The following VASH2 variants were observed in gnomAD, a reference collection of about 807,000 sequenced individuals.
VASH2 encodes the protein tubulinyl-Tyr carboxypeptidase 2.
Under a neutral mutation model 37.2 loss-of-function variants are expected in VASH2, and 28 were observed. The ratio of observed to expected loss-of-function variants is 0.75; its 90% CI spans 0.56 to 1.03. The LOEUF is 1.03. Ranked by LOEUF, VASH2 falls within the 50% of genes least tolerant of loss-of-function variation. VASH2 has a pLI of 0.00. For synonymous variants in VASH2, 188 were observed against 174.7 expected, an observed-to-expected ratio of 1.08 and a Z score of -0.60; for missense variants, 419 against 459.1, an observed-to-expected ratio of 0.91 and a Z score of 0.80.
chr1:212,983,853 T>G (rs60415266), intron 7 of VASH2, among the ~76,000 whole-genome samples: 7,068 of 152,176 alleles, frequency 0.046, 246 homozygotes, highest in East Asian at 0.1. Flanking sequence ...AGAGGAAGGG[T>G]GAAGTTTGCA....
At chr1:212,960,130 G>C (rs895396227) in intron 2 of VASH2, among the ~76,000 whole-genome samples, 1 of 152,226 alleles carries the variant, frequency 6.6e-6, no homozygotes, top group Non-Finnish European at 1.5e-5. Context: ...GTCTGTTCTT[G>C]CTCTTGGCCT....
rs1436201572 is a variant in VASH2, at chr1:212,950,956, A to C, written c.-205+216A>C. 6.6e-6 allele frequency among the ~76,000 whole-genome samples: 1 copy of C among 152,186 alleles called. No individual in the cohort carries two copies. The highest frequency in any genetic ancestry group is 1.5e-5 in the Non-Finnish European group (1 of 68,012). On this transcript the variant is annotated intron_variant, in intron 1 of 7. Transcript: ENST00000517399. The surrounding 1 kb of genome is among the most constrained non-coding windows in gnomAD (Gnocchi z 5.5). ...CCTCGCGCCAGCTCTGGGCGCTCAC[A>C]TGCCAGCACGTTCGTGGCTCCCCTC...
intron 7 of VASH2, among the ~76,000 whole-genome samples, chr1:212,984,482 G>A (rs1667421055): frequency 6.6e-6 from 1 of 152,188 alleles, no homozygotes; most frequent in Admixed American, 6.5e-5. Context: ...AGGAGAGACT[G>A]TCGGGCACAG....
At chr1:212,956,177 T>C (rs1558140820) in intron 2 of VASH2, among the ~76,000 whole-genome samples, 1 of 152,232 alleles carries the variant, frequency 6.6e-6, no homozygotes, top group South Asian at 2.1e-4. Context: ...TGTCCATCCG[T>C]ATCACTTCCC....
chr1:212,981,056 A>G (rs1050418702), intron 7 of VASH2, among the ~76,000 whole-genome samples: 2 of 152,204 alleles, frequency 1.3e-5, no homozygotes, highest in African/African-American at 2.4e-5. Flanking sequence ...ATAGGGTCAG[A>G]CAGGGGCAGA....
At chr1:212,977,315 G>A (rs748717362) in intron 7 of VASH2, among the ~76,000 whole-genome samples, 2 of 152,158 alleles carry the variant, frequency 1.3e-5, no homozygotes, top group Non-Finnish European at 2.9e-5. Flanking sequence ...GTAAGGGGAC[G>A]GGGGACTTAG....
In VASH2 at chr1:212,968,538, T is replaced by C. The variant is rs774263933; in HGVS notation, c.497+2193T>C. The stretch of plus-strand genomic sequence containing the variant: ...GATCTGAAACCAGATTGACCACAGG[T>C]GCCTTGGCTGACATTTGAAAAATGG... On this transcript the variant is annotated intron_variant, in intron 5 of 7. Coordinates refer to ENST00000517399, the MANE Select transcript of VASH2 (RefSeq NM_001301056.2). 215 of 985,466 alleles carry C rather than the reference T, an allele frequency of 2.2e-4. 1 individual carries two copies. In the Middle Eastern group the frequency reaches 3.1e-3, roughly 14 times the overall value. The allele number at this position is 985,466 out of a possible 1,614,324, so 61.0% of individuals were successfully genotyped here.
chr1:212,958,773 G>A (rs1666574922), intron 2 of VASH2, among the ~76,000 whole-genome samples: 1 of 152,080 alleles, frequency 6.6e-6, no homozygotes, highest in Non-Finnish European at 1.5e-5. Context: ...GAGTGCGGTG[G>A]CCCATTTATG....
chr1:212,977,773 C>T (rs1396520511), intron 7 of VASH2, among the ~76,000 whole-genome samples: 1 of 152,150 alleles, frequency 6.6e-6, no homozygotes, highest in East Asian at 1.9e-4. Flanking sequence ...ACTGCTGGAC[C>T]CCTTTCCCAG....
At chr1:212,964,289 C>T (rs1418083958) in intron 3 of VASH2, among the ~76,000 whole-genome samples, 2 of 152,196 alleles carry the variant, frequency 1.3e-5, no homozygotes, top group Admixed American at 6.5e-5. Flanking sequence ...GAGAGGAATC[C>T]CAGCCCTTTT....
rs1572088534 is a variant in VASH2 at position 212,989,768 on chromosome 1, C to A, written c.*1184C>A. The A allele has an allele frequency of 2.0e-5, 3 of 152,024 alleles. No homozygotes were observed. The highest frequency in any genetic ancestry group is 2.0e-4 in the Admixed American group (3 of 15,244). 9.4% of individuals were successfully genotyped at this position (152,024 alleles called of 1,614,324 possible). On this transcript the variant is annotated 3_prime_UTR_variant, in exon 8 of 8. Coordinates refer to ENST00000517399, the MANE Select transcript of VASH2 (RefSeq NM_001301056.2). ...TGGAAAAGTCTTCGGTCCAGTGTTACACCTTATAGTGTAATTCAGTCCCTA... is the reference window on the plus strand; with the variant it reads ...TGGAAAAGTCTTCGGTCCAGTGTTAAACCTTATAGTGTAATTCAGTCCCTA...
Position 212,988,602 on chromosome 1 carries a change from G to C in VASH2, c.*18G>C. The stretch of plus-strand genomic sequence containing the variant: ...GAATTTAGCCAAGCCATACCGGCCA[G>C]CAAGAGGGTTTCTGTGGTGCTTCTC... On this transcript the variant is annotated 3_prime_UTR_variant, in exon 8 of 8. Coordinates refer to ENST00000517399, the MANE Select transcript of VASH2 (RefSeq NM_001301056.2). 1.2e-6 allele frequency: 2 copies of C among 1,613,796 alleles called. No homozygotes were observed. The highest frequency in any genetic ancestry group is 1.7e-6 in the Non-Finnish European group (2 of 1,179,722).
intron 5 of VASH2, chr1:212,968,097 G>A: frequency 1.7e-6 from 1 of 597,030 alleles, no homozygotes; most frequent in Non-Finnish European, 2.1e-6. Context: ...TTTAGGGAAA[G>A]ATGAGCTCAG....
At chr1:212,955,938 T>TG (rs1465492709) in intron 2 of VASH2, among the ~76,000 whole-genome samples, 1 of 152,224 alleles carries the variant, frequency 6.6e-6, no homozygotes, top group Non-Finnish European at 1.5e-5. Context: ...TGCAGGAGCC[T>TG]GGGGCTCATT....
intron 2 of VASH2, among the ~76,000 whole-genome samples, chr1:212,956,183 T>C (rs1666483719): frequency 6.6e-6 from 1 of 152,250 alleles, no homozygotes; most frequent in East Asian, 1.9e-4. Flanking sequence ...TCCGTATCAC[T>C]TCCCTTGCGT....
chr1:212,972,727 G>A lies in VASH2; in HGVS notation c.645G>A (p.Leu215=), dbSNP rs773422319. 3 of 1,614,244 alleles carry A rather than the reference G, an allele frequency of 1.9e-6. No individual in the cohort carries two copies. Among genetic ancestry groups the A allele is most frequent in the African/African-American group, 1.3e-5 (1 of 75,056 alleles). The change falls in exon 6 of 8, where the codon CTG becomes CTA. Residue 215 remains leucine (L), a synonymous_variant. Coordinates refer to ENST00000517399, the MANE Select transcript of VASH2 (RefSeq NM_001301056.2). ...GSLGMSRRAE[L]MDKPLTFRTL... ...TGGGCATGAGCCGCAGGGCTGAGCTGATGGACAAGCCATTGACTTTTCGGA... is the reference window on the plus strand; with the variant it reads ...TGGGCATGAGCCGCAGGGCTGAGCTAATGGACAAGCCATTGACTTTTCGGA...
chr1:212,970,085 T>G (rs1340979339), intron 5 of VASH2, among the ~76,000 whole-genome samples: 2 of 152,218 alleles, frequency 1.3e-5, no homozygotes, highest in African/African-American at 4.8e-5. Flanking sequence ...ACTAAAGCAC[T>G]GTGGTTTATT....
intron 5 of VASH2, among the ~76,000 whole-genome samples, chr1:212,970,419 C>T (rs146161958): frequency 4.3e-4 from 65 of 152,348 alleles, no homozygotes; most frequent in African/African-American, 1.5e-3. Flanking sequence ...TCCAGTGTTA[C>T]TCTGCTGAGG....
rs1337726294 is a variant in VASH2, at chr1:212,988,513, C to T, written c.997C>T (p.Pro333Ser). Reference sequence around the variant, plus strand: ...CATATTTCTGTCTTTTACCCTTAGGCCTGCACTGCCTGAAAAGAAGGTGGC... The same window carrying T: ...CATATTTCTGTCTTTTACCCTTAGGTCTGCACTGCCTGAAAAGAAGGTGGC... The part of the protein sequence containing the change: ...PRRLGRREKS[P>S]ALPEKKVADL... The change falls in exon 8 of 8, where the codon CCT (proline) becomes TCT (serine). Residue 333 changes from proline (P) to serine (S), a missense_variant and splice_region_variant. Pro to Ser is a moderately conservative substitution (Grantham distance 74). Transcript: ENST00000517399. 1 of 1,613,928 alleles carries T rather than the reference C, an allele frequency of 6.2e-7. No homozygotes were observed. The highest frequency in any genetic ancestry group is 2.2e-5 in the East Asian group (1 of 44,896).
Sources: allele counts gnomAD v4.1 joint callset (sites outside exome capture counted in the v4.1 genomes callset), GRCh38; gene constraint gnomAD v4.1.1; non-coding constraint Gnocchi (gnomAD v3.1); transcripts MANE v1.5; gene names NCBI Gene and HGNC (gene_info 2026-07-23, HGNC 2026-07-21).